Variants in KLF13 observed in about 807,000 individuals in gnomAD.
KLF13 encodes the protein Krueppel-like factor 13.
A neutral mutation model predicts 16.7 loss-of-function variants in KLF13; 8 were observed. That is an observed-to-expected ratio of 0.48 (90% confidence interval 0.28 to 0.87). The LOEUF is 0.87. KLF13 is among the 40% of genes least tolerant of loss of function. The pLI, the probability that KLF13 is intolerant of heterozygous loss-of-function variation, is 0.10. For synonymous variants in KLF13, 245 were observed against 208.4 expected (o/e 1.18, Z -1.51); for missense variants, 447 against 452.2 (o/e 0.99, Z 0.10).
At chr15:31,412,510 T>C (rs1483982893) in intron 1 of KLF13, among the ~76,000 whole-genome samples, 1 of 152,082 alleles carries the variant, frequency 6.6e-6, no homozygotes, top group East Asian at 1.9e-4. Flanking sequence ...ATAAAAGAGT[T>C]TAGCTAGGAT....
At chr15:31,429,882 C>T (rs1002531739) in intron 1 of KLF13, among the ~76,000 whole-genome samples, 2 of 151,978 alleles carry the variant, frequency 1.3e-5, no homozygotes, top group African/African-American at 2.4e-5. Context: ...TGCAGGCACC[C>T]GCCACTATGC....
intron 1 of KLF13, among the ~76,000 whole-genome samples, chr15:31,427,664 G>A (rs2040415946): frequency 6.6e-6 from 1 of 152,116 alleles, no homozygotes; most frequent in Non-Finnish European, 1.5e-5. Flanking sequence ...CCCAAGATTG[G>A]GTAATTTATA....
chr15:31,434,845 C>A (rs1034970141), intron 1 of KLF13, among the ~76,000 whole-genome samples: 1 of 152,226 alleles, frequency 6.6e-6, no homozygotes, highest in African/African-American at 2.4e-5. Context: ...TGGTTCCAAC[C>A]CCAAGGCCAT....
intron 1 of KLF13, among the ~76,000 whole-genome samples, chr15:31,431,049 G>A (rs923523938): frequency 3.3e-5 from 5 of 152,116 alleles, no homozygotes; most frequent in African/African-American, 1.2e-4. Flanking sequence ...TTTGGAGATG[G>A]GGCATGCAGC....
chr15:31,360,611 G>C (rs892744195), intron 1 of KLF13, among the ~76,000 whole-genome samples: 1 of 152,112 alleles, frequency 6.6e-6, no homozygotes, highest in African/African-American at 2.4e-5. Flanking sequence ...AGGTCTGGGG[G>C]CTTTCTAGCT....
At chr15:31,428,197 G>A (rs1374792266) in intron 1 of KLF13, among the ~76,000 whole-genome samples, 2 of 152,288 alleles carry the variant, frequency 1.3e-5, no homozygotes, top group East Asian at 3.9e-4. Flanking sequence ...GTGGTTGCCA[G>A]GACCTGGGAA....
At chr15:31,431,492 T>C (rs1166081539) in intron 1 of KLF13, among the ~76,000 whole-genome samples, 1 of 151,642 alleles carries the variant, frequency 6.6e-6, no homozygotes, top group Non-Finnish European at 1.5e-5. Context: ...TTAGACAGAG[T>C]CTCCCTCTGT....
At chr15:31,386,104 G>T (rs963517114) in intron 1 of KLF13, among the ~76,000 whole-genome samples, 1 of 152,228 alleles carries the variant, frequency 6.6e-6, no homozygotes, top group Non-Finnish European at 1.5e-5. Flanking sequence ...TCAGAGCAAG[G>T]TCCCTAACTT....
At chr15:31,433,303 G>T (rs1595519994) in intron 1 of KLF13, among the ~76,000 whole-genome samples, 1 of 152,290 alleles carries the variant, frequency 6.6e-6, no homozygotes, top group African/African-American at 2.4e-5. Context: ...CTTCCATGCG[G>T]TGGCTTTTCC....
rs578050488 is a variant in KLF13, at chr15:31,418,879, G to A, written n.118-16491G>A. ...GATCCTAGCACTTTGGGAGACCAAG[G>A]CTAGAAGATCCCTTGTGCTCAGGAG... On this transcript the variant is annotated intron_variant and non_coding_transcript_variant, in intron 1 of 1. Coordinates refer to the KLF13 transcript ENST00000558225. Among the ~76,000 whole-genome samples, 8 of 152,300 alleles carry A rather than the reference G, an allele frequency of 5.3e-5. No homozygotes were observed. In the South Asian group the frequency reaches 1.7e-3, roughly 32 times the overall value.
chr15:31,408,742 T>C (rs1312861301), downstream of KLF13, among the ~76,000 whole-genome samples: 2 of 152,104 alleles, frequency 1.3e-5, no homozygotes, highest in Admixed American at 6.6e-5. Context: ...GAACTTAAAA[T>C]TGTAATGATT....
chr15:31,422,940 G>A (rs2040346301), intron 1 of KLF13, among the ~76,000 whole-genome samples: 1 of 151,468 alleles, frequency 6.6e-6, no homozygotes. Context: ...AGGGGGCTGA[G>A]GCAGGAGAAT....
chr15:31,348,650 C>T (rs561629984), intron 1 of KLF13, among the ~76,000 whole-genome samples: 22 of 152,064 alleles, frequency 1.4e-4, no homozygotes, highest in African/African-American at 5.1e-4. Flanking sequence ...GACTGCATCT[C>T]AGGCCGCAGT....
chr15:31,404,764 ACACT>A (rs768312234), downstream of KLF13: 1 of 152,290 alleles, frequency 6.6e-6, no homozygotes, highest in Non-Finnish European at 1.5e-5. Flanking sequence ...AAGAGCTGTA[ACACT>A]CACTGTGAAG....
chr15:31,369,371 C>A (rs535909087), intron 1 of KLF13, among the ~76,000 whole-genome samples: 1 of 152,320 alleles, frequency 6.6e-6, no homozygotes, highest in South Asian at 2.1e-4. Flanking sequence ...CCTGCCACCA[C>A]CTCATGGAGT....
chr15:31,357,601 G>C (rs1464662919), intron 1 of KLF13, among the ~76,000 whole-genome samples: 1 of 152,220 alleles, frequency 6.6e-6, no homozygotes, highest in Non-Finnish European at 1.5e-5. Context: ...TGAGTGGGCT[G>C]TTCCCCACAC....
Position 31,373,705 on chromosome 15 carries a change from G to T in KLF13, c.*1406G>T, listed in dbSNP as rs1023799269. 6.6e-6 allele frequency: 1 copy of T among 152,184 alleles called. No individual in the cohort carries two copies. Among genetic ancestry groups the T allele is most frequent in the Non-Finnish European group, 1.5e-5 (1 of 68,072 alleles). The allele number at this position is 152,184 out of a possible 1,614,324, so 9.4% of individuals were successfully genotyped here. The stretch of plus-strand genomic sequence containing the variant: ...CTGGGCTGGGATTCGAGCCCTGGGC[G>T]GGGGTCAGTCAAGCCGTGGTCCAGC... On this transcript the variant is annotated 3_prime_UTR_variant, in exon 2 of 2. Coordinates refer to ENST00000307145, the MANE Select transcript of KLF13 (RefSeq NM_015995.4).
In KLF13 at chr15:31,327,720, C is replaced by T; in HGVS notation, c.508C>T (p.His170Tyr). The T allele has an allele frequency of 6.5e-7, 1 of 1,538,242 alleles. No individual in the cohort carries two copies. The highest frequency in any genetic ancestry group is 8.8e-7 in the Non-Finnish European group (1 of 1,138,654). Residue 170 changes from histidine to tyrosine, a missense_variant, in exon 1 of 2, where the codon CAC becomes TAC. Transcript: ENST00000307145. Reference protein sequence around the residue: ...LESPQRKHKCHYAGCEKVYGK... With the variant: ...LESPQRKHKCYYAGCEKVYGK... ...GTCCCCGCAGAGGAAGCACAAGTGC[C>T]ACTACGCGGGCTGCGAGAAAGTTTA...
chr15:31,372,420 C>A lies in KLF13; in HGVS notation c.*121C>A. ...TCCACGAAAAAACAATTTTTTTCAC[C>A]TCAGGTGTCAAAGTAAATTTGTTAA... On this transcript the variant is annotated 3_prime_UTR_variant, in exon 2 of 2. Coordinates refer to ENST00000307145, the MANE Select transcript of KLF13 (RefSeq NM_015995.4). The A allele has an allele frequency of 9.2e-7, 1 of 1,091,050 alleles. No homozygotes were observed. Among genetic ancestry groups the A allele is most frequent in the Non-Finnish European group, 1.2e-6 (1 of 823,374 alleles). 67.6% of individuals were successfully genotyped at this position (1,091,050 alleles called of 1,614,324 possible). A position where few individuals can be genotyped will look rare whatever the true frequency, so the allele number is the denominator to read the frequency against.
Sources: gnomAD v4.1 joint callset for allele counts (sites outside exome capture counted in the v4.1 genomes callset) on GRCh38, gnomAD v4.1.1 for gene constraint, MANE v1.5 for transcripts, NCBI Gene and HGNC (gene_info 2026-07-23, HGNC 2026-07-21) for gene names.